DNAH17: variants seen among roughly 807,000 people sequenced by gnomAD.
The protein encoded by DNAH17 is axonemal beta dynein heavy chain 17.
A neutral mutation model predicts 485.6 loss-of-function variants in DNAH17; 376 were observed. The ratio of observed to expected loss-of-function variants is 0.77; its 90% confidence interval spans 0.71 to 0.84. DNAH17 has a LOEUF of 0.84. DNAH17 is among the 40% of genes least tolerant of loss of function. The pLI is 0.00. For missense variants in DNAH17, 6,370 were observed against 5,839.3 expected, an observed-to-expected ratio of 1.09 and a Z score of -2.96; for synonymous variants, 3,031 against 2,405.9, an observed-to-expected ratio of 1.26 and a Z score of -7.60.
At chr17:78,514,656 C>T (rs2090731699) in intron 26 of DNAH17, 118 bp downstream of exon 26, 4 of 1,373,326 alleles carry the variant, frequency 2.9e-6, no homozygotes, top group East Asian at 2.5e-5. Context: ...GCCCTGCCCA[C>T]ATTGGCTTTA....
At chr17:78,543,421 GCTGGGAC>G (rs2091658322) in intron 17 of DNAH17, among the ~76,000 whole-genome samples, 1 of 152,072 alleles carries the variant, frequency 6.6e-6, no homozygotes, top group African/African-American at 2.4e-5. Flanking sequence ...CTCCCAAGTA[GCTGGGAC>G]TACAAGCGCC....
At chr17:78,534,026 T>C (rs1235351192) in intron 19 of DNAH17, among the ~76,000 whole-genome samples, 2 of 152,218 alleles carry the variant, frequency 1.3e-5, no homozygotes, top group Non-Finnish European at 2.9e-5. Context: ...AAAAACCTTA[T>C]GGGCCAGGAA....
At chr17:78,501,474 C>T (rs1289413281) in intron 34 of DNAH17, 130 bp from the exon 35 acceptor site, 10 of 1,192,544 alleles carry the variant, frequency 8.4e-6, no homozygotes, top group Non-Finnish European at 1.1e-5. Flanking sequence ...CTTTCCCCCT[C>T]CAGCACCCAC....
Position 78,569,523 on chromosome 17 carries a change from C to A in DNAH17, c.1049G>T (p.Arg350Leu), listed in dbSNP as rs775795439. The change falls in exon 8 of 81, where the codon CGA (arginine) becomes CTA (leucine). Residue 350 changes from arginine to leucine, a missense_variant. Coordinates refer to ENST00000389840, the MANE Select transcript of DNAH17 (RefSeq NM_173628.4). ...EFCNQIIEMT[R>L]TFLSPEEVLK... ...CACCTCTTCCGGGCTCAGGAAGGTTCGTGTCTGGGCAAAAGAGAAGACAGA... is the reference window on the plus strand; with the variant it reads ...CACCTCTTCCGGGCTCAGGAAGGTTAGTGTCTGGGCAAAAGAGAAGACAGA... The A allele has an allele frequency of 1.2e-6, 2 of 1,603,470 alleles. No homozygotes were observed. Among genetic ancestry groups the A allele is most frequent in the South Asian group, 2.2e-5 (2 of 89,030 alleles).
chr17:78,425,411 T>C lies in DNAH17; in HGVS notation c.13076A>G (p.Lys4359Arg), dbSNP rs2086399877. The change falls in exon 80 of 81, where the codon AAA becomes AGA. Residue 4359 changes from lysine (K) to arginine (R), a missense_variant. Coordinates refer to ENST00000389840, the MANE Select transcript of DNAH17 (RefSeq NM_173628.4). Reference protein sequence around the residue: ...KMCLSVEVTKKNREDMTAPPR... With the variant: ...KMCLSVEVTKRNREDMTAPPR... ...AGGAGCGGTCATGTCCTCTCGGTTTTTCTTGGTCACCTCGACAGACAGACA... is the reference window on the plus strand; with the variant it reads ...AGGAGCGGTCATGTCCTCTCGGTTTCTCTTGGTCACCTCGACAGACAGACA... The C allele has an allele frequency of 1.2e-6, 2 of 1,613,906 alleles. No homozygotes were observed. The highest frequency in any genetic ancestry group is 1.1e-5 in the South Asian group (1 of 91,084).
intron 14 of DNAH17, among the ~76,000 whole-genome samples, chr17:78,553,125 C>T (rs1457833029): frequency 6.6e-6 from 1 of 152,042 alleles, no homozygotes; most frequent in African/African-American, 2.4e-5. Context: ...TGGCTTGTGC[C>T]AAGTGATGTG....
At chr17:78,479,378 T>C (rs2089248128) in intron 50 of DNAH17, 107 bp downstream of exon 50, 1 of 1,333,926 alleles carries the variant, frequency 7.5e-7, no homozygotes, top group Non-Finnish European at 9.9e-7. Flanking sequence ...AAGATATTGA[T>C]TTAGAATTAT....
chr17:78,572,959 C>A, intron 2 of DNAH17, 65 bp from the exon 3 acceptor site: 3 of 1,472,218 alleles, frequency 2.0e-6, no homozygotes, highest in Non-Finnish European at 2.8e-6. Flanking sequence ...CCGCACAGAG[C>A]CAGGTCCCCG....
chr17:78,563,267 T>G (rs1448145505), intron 11 of DNAH17, among the ~76,000 whole-genome samples: 1 of 152,200 alleles, frequency 6.6e-6, no homozygotes, highest in Non-Finnish European at 1.5e-5. Context: ...GTTGTACAAA[T>G]GGAGCAGCCG....
intron 19 of DNAH17, 100 bp from the exon 20 acceptor site, chr17:78,532,836 A>G: frequency 7.5e-7 from 1 of 1,336,506 alleles, no homozygotes; most frequent in Admixed American, 2.6e-5. Flanking sequence ...TCTGTTGGCG[A>G]AAGGGCTTCC....
At chr17:78,572,925 C>G in intron 2 of DNAH17, 31 bp from the exon 3 acceptor site, 2 of 1,595,638 alleles carry the variant, frequency 1.3e-6, no homozygotes, top group South Asian at 2.3e-5. Flanking sequence ...GGTTCCGCCC[C>G]CTGTGCCTTC....
rs2028735 is a variant in DNAH17, at chr17:78,500,495, C to G, written c.5484-34G>C. 1,069 of 1,526,444 alleles carry G rather than the reference C, an allele frequency of 7.0e-4. 4 individuals carry two copies. In the African/African-American group the frequency reaches 0.013, roughly 18 times the overall value. 94.6% of individuals were successfully genotyped at this position (1,526,444 alleles called of 1,614,324 possible). On this transcript the variant is annotated intron_variant, in intron 35 of 80. Transcript: ENST00000389840. ...GACCACAGGTAAGCGTGTGTGCCAG[C>G]GACCCCATGGCCTCCCTGCTTTTAT... is the stretch of plus-strand genomic sequence containing the variant.
chr17:78,438,376 G>C (rs551212303), intron 73 of DNAH17, among the ~76,000 whole-genome samples: 12 of 129,360 alleles, frequency 9.3e-5, no homozygotes, highest in African/African-American at 3.6e-4. Context: ...AATGTGCAGA[G>C]AGCATCTCCT....
intron 16 of DNAH17, among the ~76,000 whole-genome samples, chr17:78,549,102 C>A (rs75475790): frequency 6.6e-6 from 1 of 152,176 alleles, no homozygotes; most frequent in East Asian, 1.9e-4. Flanking sequence ...ATGAACTGCA[C>A]GTCTGTGTTC....
rs2090472555 is a variant in DNAH17, at chr17:78,505,986, A to G, written c.4804-541T>C. Among the ~76,000 whole-genome samples, 4 of 152,080 alleles carry G rather than the reference A, an allele frequency of 2.6e-5. 1 individual carries two copies. In the South Asian group the frequency reaches 8.3e-4, roughly 32 times the overall value. ...AGAGCGAAACTCCATCTCAAAATAA[A>G]AAAAATTAATAAATAAGATTTCTTC... is the stretch of plus-strand genomic sequence containing the variant. On this transcript the variant is annotated intron_variant, in intron 30 of 80. Transcript: ENST00000389840.
chr17:78,474,277 C>T (rs2146590315), intron 54 of DNAH17, among the ~76,000 whole-genome samples: 2 of 152,372 alleles, frequency 1.3e-5, no homozygotes, highest in Admixed American at 1.3e-4. Context: ...ACAGCGGCCC[C>T]AGCACACAGA....
rs776211309 is a variant in DNAH17 at position 78,505,299 on chromosome 17, CGA to C, written c.4948_4949del (p.Ser1650GlyfsTer70). On this transcript the variant is annotated frameshift_variant, in exon 31 of 81. Transcript: ENST00000389840. LOFTEE classifies it high-confidence loss of function. ...GGTGTGCGCACACACTCACCTGCCC[CGA>C]GAGGTCGCATTCCTGATCAAAAACC... ...YMVFDQECDL[S>X]GQVEVWLNRV... 1 of 1,613,848 alleles carries C rather than the reference CGA, an allele frequency of 6.2e-7. No individual in the cohort carries two copies. Among genetic ancestry groups the C allele is most frequent in the Non-Finnish European group, 8.5e-7 (1 of 1,179,838 alleles).
rs2090237053 is a variant in DNAH17 at position 78,500,375 on chromosome 17, G to A, written c.5570C>T (p.Thr1857Ile). ...GPAGTGKTET[T>I]KDLGRALGTM... ...GCCCAGGGCTCTGCCCAGGTCCTTG[G>A]TCGTCTCAGTCTTGCCGGTCCCAGC... Residue 1857 changes from threonine to isoleucine, a missense_variant, in exon 36 of 81, where the codon ACC becomes ATC. Thr to Ile is a moderately conservative substitution (Grantham distance 89). Transcript: ENST00000389840. 6.2e-7 allele frequency: 1 copy of A among 1,612,398 alleles called. No individual in the cohort carries two copies. The highest frequency in any genetic ancestry group is 1.7e-5 in the Admixed American group (1 of 59,752).
rs75955478 is a variant in DNAH17, at chr17:78,459,721, C to T, written c.9653+63G>A. The T allele has an allele frequency of 9.9e-4, 1,573 of 1,586,080 alleles. 12 individuals are homozygous for T. In the African/African-American group the frequency reaches 0.019, roughly 19 times the overall value. On this transcript the variant is annotated intron_variant, in intron 60 of 80. Coordinates refer to ENST00000389840, the MANE Select transcript of DNAH17 (RefSeq NM_173628.4). The stretch of plus-strand genomic sequence containing the variant: ...CTGAGGCCATGCTTCACCTCAGCAT[C>T]GTGCCTTGGCCTGATGGAGAATCGG...
Sources: allele counts gnomAD v4.1 joint callset (sites outside exome capture counted in the v4.1 genomes callset), GRCh38; gene constraint gnomAD v4.1.1; transcripts MANE v1.5; gene names NCBI Gene and HGNC (gene_info 2026-07-23, HGNC 2026-07-21).